BNC1: variants seen among roughly 807,000 people sequenced by gnomAD.
The protein encoded by BNC1 is basonuclin zinc finger protein 1.
Under a neutral mutation model 66.5 loss-of-function variants are expected in BNC1, and 8 were observed. That is an observed-to-expected ratio of 0.12 (90% CI 0.07 to 0.22). The LOEUF (loss-of-function observed/expected upper bound fraction) is 0.22. Among genes scored for constraint, BNC1 ranks in the 10% least tolerant of loss-of-function variants. The pLI is 1.00. For synonymous variants in BNC1, 454 were observed against 452.6 expected, an observed-to-expected ratio of 1.00 and a Z score of -0.04; for missense variants, 1,069 against 1,241.3, an observed-to-expected ratio of 0.86 and a Z score of 2.09.
chr15:83,258,028 A>C lies in BNC1; in HGVS notation c.2399T>G (p.Val800Gly). 1 of 1,614,024 alleles carries C rather than the reference A, an allele frequency of 6.2e-7. No homozygotes were observed. The highest frequency in any genetic ancestry group is 8.5e-7 in the Non-Finnish European group (1 of 1,179,876). Residue 800 changes from valine to glycine, a missense_variant, in exon 5 of 5, where the codon GTG becomes GGG. This residue lies in a region of BNC1 where 657 missense variants were observed against 715.8 expected (regional missense o/e 0.92). Transcript: ENST00000345382. Reference protein sequence around the residue: ...HFRAAYLLKDVAKEAYQDVAF... With the variant: ...HFRAAYLLKDGAKEAYQDVAF... The stretch of plus-strand genomic sequence containing the variant: ...CACATCCTGATAGGCTTCCTTAGCC[A>C]CATCTTTCAGAAGGTAAGCTGCACG...
In BNC1 at chr15:83,263,373, C is replaced by T. The variant is rs1399537277; in HGVS notation, c.1878G>A (p.Glu626=). 1 of 1,614,198 alleles carries T rather than the reference C, an allele frequency of 6.2e-7. No homozygotes were observed. The highest frequency in any genetic ancestry group is 8.5e-7 in the Non-Finnish European group (1 of 1,180,044). ...ESSGAISQTP[E]QATHNSERET... The stretch of plus-strand genomic sequence containing the variant: ...CCCTCTCTGAATTGTGTGTGGCCTG[C>T]TCAGGGGTTTGGCTGATGGCTCCAC... The change falls in exon 4 of 5, where the codon GAG becomes GAA. Residue 626 remains glutamate (E), a synonymous_variant. Coordinates refer to ENST00000345382, the MANE Select transcript of BNC1 (RefSeq NM_001717.4).
intron 1 of BNC1, among the ~76,000 whole-genome samples, chr15:83,279,593 T>G (rs2038359099): frequency 6.6e-6 from 1 of 152,202 alleles, no homozygotes; most frequent in African/African-American, 2.4e-5. Flanking sequence ...AGCACAGGTC[T>G]CTGTTACGGG....
chr15:83,258,600 G>C (rs189546439), intron 4 of BNC1, among the ~76,000 whole-genome samples: 1 of 152,148 alleles, frequency 6.6e-6, no homozygotes. Context: ...AGAATGACTA[G>C]ACTAAATCAA....
In BNC1 at chr15:83,268,157, A is replaced by C; in HGVS notation, c.175T>G (p.Cys59Gly). ...CCGTGGGCCACCCATCCATGCTTGC[A>C]TTGGTCACACTGACGGTGGTTTATT... Reference protein sequence around the residue: ...GKINHRQCDQCKHGWVAHALS... With the variant: ...GKINHRQCDQGKHGWVAHALS... The change falls in exon 2 of 5, where the codon TGC becomes GGC. Residue 59 changes from cysteine (C) to glycine (G), a missense_variant. Physicochemically the swap from Cys to Gly is radical, Grantham distance 159. Around this residue, in one of 7 missense-constraint regions of BNC1, gnomAD observed 78 missense variants for 80.9 expected, o/e 0.96. Transcript: ENST00000345382. The C allele has an allele frequency of 6.2e-7, 1 of 1,614,208 alleles. No homozygotes were observed. The highest frequency in any genetic ancestry group is 8.5e-7 in the Non-Finnish European group (1 of 1,180,034).
intron 1 of BNC1, among the ~76,000 whole-genome samples, chr15:83,281,174 G>A (rs1327326618): frequency 6.6e-6 from 1 of 152,122 alleles, no homozygotes; most frequent in East Asian, 1.9e-4. Context: ...GTGCCACAGT[G>A]GAAGCTTGGA....
intron 1 of BNC1, among the ~76,000 whole-genome samples, chr15:83,273,440 T>C (rs2038287839): frequency 6.6e-6 from 1 of 152,272 alleles, no homozygotes; most frequent in African/African-American, 2.4e-5. Context: ...AATCCATTCT[T>C]GTTCCATTCT....
chr15:83,271,935 T>C (rs141113428), intron 1 of BNC1, among the ~76,000 whole-genome samples: 7 of 152,370 alleles, frequency 4.6e-5, no homozygotes, highest in African/African-American at 1.7e-4. Flanking sequence ...TGAGTGATGG[T>C]TGAATTTACA....
chr15:83,279,951 C>G (rs1216553500), intron 1 of BNC1, among the ~76,000 whole-genome samples: 2 of 152,208 alleles, frequency 1.3e-5, no homozygotes, highest in Non-Finnish European at 2.9e-5. Flanking sequence ...TGGGCTGAGT[C>G]TACCTGTGAG....
Position 83,257,727 on chromosome 15 carries a change from G to A in BNC1, c.2700C>T (p.Val900=). The change falls in exon 5 of 5, where the codon GTC becomes GTT. Residue 900 remains valine (V), a synonymous_variant. Transcript: ENST00000345382. ...AGATGGGGTACTCATCTTCCCCAGG[G>A]ACAAGGCTCGACCCTTCACAGTTCC... ...SDGNCEGSSL[V]PGEDEYPICV... is the part of the protein sequence containing the mutation. The A allele has an allele frequency of 1.9e-6, 3 of 1,614,120 alleles. No homozygotes were observed. The highest frequency in any genetic ancestry group is 2.5e-6 in the Non-Finnish European group (3 of 1,180,008).
intron 1 of BNC1, among the ~76,000 whole-genome samples, chr15:83,279,104 ATT>A (rs1230998535): frequency 6.6e-6 from 1 of 152,194 alleles, no homozygotes; most frequent in Non-Finnish European, 1.5e-5. Flanking sequence ...GTTATTGTTA[ATT>A]TTTTAGGTGC....
intron 1 of BNC1, among the ~76,000 whole-genome samples, chr15:83,268,961 C>CA (rs1243497437): frequency 5.3e-5 from 8 of 152,246 alleles, no homozygotes; most frequent in African/African-American, 1.7e-4. Context: ...CGTGGTGGCT[C>CA]ACGCCTGTAA....
At chr15:83,272,169 T>A (rs2038275659) in intron 1 of BNC1, among the ~76,000 whole-genome samples, 1 of 152,194 alleles carries the variant, frequency 6.6e-6, no homozygotes, top group Non-Finnish European at 1.5e-5. Context: ...TACAGAAAAA[T>A]TTTAAAAGGG....
chr15:83,268,260 G>A (rs766289461), intron 1 of BNC1, 28 bp from the exon 2 acceptor site: 3 of 1,562,226 alleles, frequency 1.9e-6, no homozygotes, highest in East Asian at 4.5e-5. Context: ...ACAGGTATGT[G>A]GAGCATGTAA....
intron 2 of BNC1, among the ~76,000 whole-genome samples, chr15:83,267,612 C>A (rs2038230467): frequency 6.6e-6 from 1 of 152,148 alleles, no homozygotes; most frequent in African/African-American, 2.4e-5. Context: ...CTCAGTTACA[C>A]TAGTCACATT....
At chr15:83,276,389 C>G (rs149142922) in intron 1 of BNC1, among the ~76,000 whole-genome samples, 1 of 152,354 alleles carries the variant, frequency 6.6e-6, no homozygotes, top group Admixed American at 6.5e-5. Flanking sequence ...GGGCCTGATA[C>G]TTGGTAAGCC....
At chr15:83,281,726 T>C (rs1318681097) in intron 1 of BNC1, among the ~76,000 whole-genome samples, 1 of 152,228 alleles carries the variant, frequency 6.6e-6, no homozygotes, top group Non-Finnish European at 1.5e-5. Context: ...AATTGAACTT[T>C]TAAAATGTTT....
chr15:83,264,479 C>A lies in BNC1; in HGVS notation c.772G>T (p.Gly258Trp). The A allele has an allele frequency of 6.2e-7, 1 of 1,614,106 alleles. No homozygotes were observed. Among genetic ancestry groups the A allele is most frequent in the Non-Finnish European group, 8.5e-7 (1 of 1,180,018 alleles). ...FFNPLPPALI[G>W]SLPEQYMLEQ... is the part of the protein sequence containing the mutation. The stretch of plus-strand genomic sequence containing the variant: ...AACATATATTGTTCGGGCAATGACC[C>A]TATCAGTGCAGGAGGCAGAGGGTTG... The change falls in exon 4 of 5, where the codon GGG becomes TGG. Residue 258 changes from glycine to tryptophan, a missense_variant. By Grantham distance (184) the Gly-to-Trp change is radical. Transcript: ENST00000345382.
chr15:83,263,809 T>C lies in BNC1; in HGVS notation c.1442A>G (p.Asn481Ser). The change falls in exon 4 of 5, where the codon AAC becomes AGC. Residue 481 changes from asparagine to serine, a missense_variant. Around this residue, in one of 7 missense-constraint regions of BNC1, gnomAD observed 657 missense variants for 715.8 expected, o/e 0.92. Coordinates refer to ENST00000345382, the MANE Select transcript of BNC1 (RefSeq NM_001717.4). ...NIGQNGVLFP[N>S]LKTVQPVLPF... ...AAGGACTGGCTGGACTGTCTTTAGGTTGGGAAAAAGCACACCATTTTGCCC... is the reference window on the plus strand; with the variant it reads ...AAGGACTGGCTGGACTGTCTTTAGGCTGGGAAAAAGCACACCATTTTGCCC... The C allele has an allele frequency of 6.2e-7, 1 of 1,614,078 alleles. No homozygotes were observed. The highest frequency in any genetic ancestry group is 1.1e-5 in the South Asian group (1 of 91,076).
At position 83,264,772 on chromosome 15, in the gene BNC1, C is replaced by G; in HGVS notation, c.479G>C (p.Ser160Thr). The stretch of plus-strand genomic sequence containing the variant: ...CTGCAAGGTGGCCACTTCTTCCTCA[C>G]TGGTCATGATGCTCCAGTGATCCAA... ...KVLDHWSIMT[S>T]EEEVATLQQF... The change falls in exon 4 of 5, where the codon AGT becomes ACT. Residue 160 changes from serine (S) to threonine (T), a missense_variant. Ser to Thr is a moderately conservative substitution (Grantham distance 58, BLOSUM62 1). Coordinates refer to ENST00000345382, the MANE Select transcript of BNC1 (RefSeq NM_001717.4). 6.2e-7 allele frequency: 1 copy of G among 1,614,210 alleles called. No individual in the cohort carries two copies. The highest frequency in any genetic ancestry group is 1.6e-4 in the Middle Eastern group (1 of 6,062).
Sources: allele counts gnomAD v4.1 joint callset (sites outside exome capture counted in the v4.1 genomes callset), GRCh38; gene constraint gnomAD v4.1.1; regional missense constraint gnomAD v4.1.1; transcripts MANE v1.5; gene names NCBI Gene and HGNC (gene_info 2026-07-23, HGNC 2026-07-21).